GLIS1: variants seen among roughly 807,000 people sequenced by gnomAD.
GLIS1 encodes the protein zinc finger protein GLIS1.
Under a neutral mutation model 63.8 loss-of-function variants are expected in GLIS1, and 24 were observed. The observed-to-expected ratio is 0.38, with a 90% CI of 0.27 to 0.53. The LOEUF is 0.53. Ranked by LOEUF, GLIS1 falls within the 20% of genes least tolerant of loss-of-function variation. The pLI is 0.85. For synonymous variants in GLIS1, 450 were observed against 482.5 expected, an observed-to-expected ratio of 0.93 and a Z score of 0.88; for missense variants, 1,036 against 1,074.1, an observed-to-expected ratio of 0.96 and a Z score of 0.50.
chr1:53,618,195 C>A (rs1421199342), intron 2 of GLIS1, among the ~76,000 whole-genome samples: 1 of 152,236 alleles, frequency 6.6e-6, no homozygotes, highest in Non-Finnish European at 1.5e-5. Context: ...CTCACCTCCC[C>A]AACCCTTGCC....
intron 2 of GLIS1, among the ~76,000 whole-genome samples, chr1:53,607,185 G>A (rs893840160): frequency 6.6e-6 from 1 of 152,252 alleles, no homozygotes; most frequent in Admixed American, 6.5e-5. Context: ...CACCATCACA[G>A]ACATGAGGAC....
chr1:53,546,875 C>A (rs1233151627), intron 4 of GLIS1, among the ~76,000 whole-genome samples: 1 of 152,224 alleles, frequency 6.6e-6, no homozygotes, highest in Non-Finnish European at 1.5e-5. Flanking sequence ...CCCCACCATG[C>A]CCTTCCTTCC....
intron 2 of GLIS1, among the ~76,000 whole-genome samples, chr1:53,678,737 C>G: frequency 6.6e-6 from 1 of 152,190 alleles, no homozygotes; most frequent in East Asian, 1.9e-4. Flanking sequence ...AGAACACAGA[C>G]AAGAACAGCC....
intron 2 of GLIS1, among the ~76,000 whole-genome samples, chr1:53,683,998 C>A (rs554524313): frequency 3.9e-5 from 6 of 152,246 alleles, no homozygotes; most frequent in African/African-American, 1.4e-4. Context: ...AGAGTGGAAT[C>A]TTTTCCCCAA....
intron 4 of GLIS1, among the ~76,000 whole-genome samples, chr1:53,564,068 T>C (rs1569836017): frequency 6.6e-6 from 1 of 152,216 alleles, no homozygotes; most frequent in South Asian, 2.1e-4. Context: ...TAAAAACTAA[T>C]GATGTGCAAA....
At position 53,511,822 on chromosome 1, in the gene GLIS1, G is replaced by A. The variant is rs1644301103; in HGVS notation, c.1884-1795C>T. Among the ~76,000 whole-genome samples, 2 of 152,162 alleles carry A rather than the reference G, an allele frequency of 1.3e-5. No homozygotes were observed. Among genetic ancestry groups the A allele is most frequent in the Admixed American group, 1.3e-4 (2 of 15,282 alleles). On this transcript the variant is annotated intron_variant, in intron 8 of 10. Transcript: ENST00000628545. This position sits in a 1 kb window ranked among gnomAD's most constrained non-coding sequence, Gnocchi z 4.2. ...GGCTCCTCCTTCCTGCAGGCCTGCTGTGTGGTGGCTGCCTTATCCCCATCC... is the reference window on the plus strand; with the variant it reads ...GGCTCCTCCTTCCTGCAGGCCTGCTATGTGGTGGCTGCCTTATCCCCATCC...
intron 2 of GLIS1, among the ~76,000 whole-genome samples, chr1:53,604,935 TATATATAC>T: frequency 8.3e-5 from 1 of 12,042 alleles, no homozygotes; most frequent in East Asian, 6.3e-3. Flanking sequence ...TGTGTGTGTA[TATATATAC>T]ATATATATAT....
chr1:53,693,188 C>T (rs1646426414), intron 2 of GLIS1, among the ~76,000 whole-genome samples: 1 of 152,182 alleles, frequency 6.6e-6, no homozygotes, highest in Non-Finnish European at 1.5e-5. Flanking sequence ...CTCCCTACAG[C>T]CCCTTCTGAG....
rs189138199 is a variant in GLIS1 at position 53,531,245 on chromosome 1, T to C, written c.1321-1293A>G. The stretch of plus-strand genomic sequence containing the variant: ...ATGTCCAGGGCTGAACAGCCAACCA[T>C]GAGCACCTAACCCAGATTAGGGCCC... On this transcript the variant is annotated intron_variant, in intron 4 of 10. Transcript: ENST00000628545. 7.0e-4 allele frequency among the ~76,000 whole-genome samples: 107 copies of C among 152,278 alleles called. 1 individual carries two copies. Among genetic ancestry groups the C allele is most frequent in the Admixed American group, 1.2e-3 (19 of 15,298 alleles).
At chr1:53,707,050 T>TC (rs1646585987) in intron 2 of GLIS1, among the ~76,000 whole-genome samples, 2 of 151,862 alleles carry the variant, frequency 1.3e-5, no homozygotes, top group African/African-American at 4.8e-5. Flanking sequence ...GTAAGGACAT[T>TC]CCCCCCGACC....
At chr1:53,654,714 C>T (rs929710131) in intron 2 of GLIS1, among the ~76,000 whole-genome samples, 2 of 152,078 alleles carry the variant, frequency 1.3e-5, no homozygotes, top group African/African-American at 4.8e-5. Flanking sequence ...CACTGAGGGT[C>T]CCAGGACTGA....
chr1:53,521,818 G>C (rs1278935369), intron 6 of GLIS1, among the ~76,000 whole-genome samples: 1 of 152,252 alleles, frequency 6.6e-6, no homozygotes, highest in Non-Finnish European at 1.5e-5. Flanking sequence ...AACAGGGTGA[G>C]GCCTTCAGGA....
chr1:53,625,918 GCTGT>G (rs150720650), intron 2 of GLIS1, among the ~76,000 whole-genome samples: 2,931 of 152,340 alleles, frequency 0.019, 90 homozygotes, highest in African/African-American at 0.067. Context: ...CCTGGCAGTA[GCTGT>G]CTCTCCTATC....
chr1:53,633,278 ATGAG>A (rs1645686772), intron 2 of GLIS1, among the ~76,000 whole-genome samples: 1 of 130,956 alleles, frequency 7.6e-6, no homozygotes. Flanking sequence ...AGGGGTGTGA[ATGAG>A]TGTGGCTGAG....
rs542035580 is a variant in GLIS1 at position 53,536,149 on chromosome 1, C to T, written c.1321-6197G>A. Among the ~76,000 whole-genome samples, 111 of 152,158 alleles carry T rather than the reference C, an allele frequency of 7.3e-4. 1 individual carries two copies. The highest frequency in any genetic ancestry group is 2.6e-3 in the African/African-American group (107 of 41,434). On this transcript the variant is annotated intron_variant, in intron 4 of 10. Coordinates refer to ENST00000628545, the MANE Select transcript of GLIS1 (RefSeq NM_001367484.1). ...CCATCTGTCCATGCAGAGAATGATA[C>T]AGGCACCTTCTGTCGAGGGTGGATT...
chr1:53,679,746 C>T (rs1056834078), intron 2 of GLIS1, among the ~76,000 whole-genome samples: 2 of 152,072 alleles, frequency 1.3e-5, no homozygotes, highest in African/African-American at 2.4e-5. Context: ...TGCCTTCTGG[C>T]GCTGCCGGGA....
chr1:53,553,805 T>G (rs1327754511), intron 4 of GLIS1, among the ~76,000 whole-genome samples: 1 of 152,108 alleles, frequency 6.6e-6, no homozygotes, highest in Middle Eastern at 3.2e-3. Context: ...TGTAAAGGCC[T>G]TGTGGTGGGA....
chr1:53,682,175 T>A (rs567558366), intron 2 of GLIS1, among the ~76,000 whole-genome samples: 1 of 152,290 alleles, frequency 6.6e-6, no homozygotes, highest in South Asian at 2.1e-4. Flanking sequence ...GGCACCCCTC[T>A]GCCTCTACAC....
chr1:53,608,048 A>G (rs1034805855), intron 2 of GLIS1, among the ~76,000 whole-genome samples: 8 of 151,400 alleles, frequency 5.3e-5, no homozygotes, highest in African/African-American at 1.9e-4. Flanking sequence ...TGCAGCCTCA[A>G]GTTCCTGGAC....
Sources: allele counts gnomAD v4.1 joint callset (sites outside exome capture counted in the v4.1 genomes callset), GRCh38; gene constraint gnomAD v4.1.1; non-coding constraint Gnocchi (gnomAD v3.1); transcripts MANE v1.5; gene names NCBI Gene and HGNC (gene_info 2026-07-23, HGNC 2026-07-21).